AATF: variants seen among roughly 807,000 people sequenced by gnomAD.
The protein encoded by AATF is protein AATF.
AATF carries 48 observed loss-of-function variants against 63.7 expected under a neutral mutation model. The ratio of observed to expected loss-of-function variants is 0.75; its 90% CI spans 0.60 to 0.96. The LOEUF (loss-of-function observed/expected upper bound fraction) is 0.96. AATF is among the 40% of genes least tolerant of loss of function. AATF has a pLI of 0.00. For missense variants in AATF, 639 were observed against 685.7 expected (o/e 0.93, Z 0.76); for synonymous variants, 258 against 247.7 (o/e 1.04, Z -0.39).
chr17:37,023,654 A>G (rs2071490004), intron 10 of AATF, among the ~76,000 whole-genome samples: 2 of 150,068 alleles, frequency 1.3e-5, no homozygotes, highest in African/African-American at 4.9e-5. Context: ...CTTTTTAAAC[A>G]GAGTTTAAAA....
At chr17:37,038,837 G>T (rs1189910027) in intron 11 of AATF, among the ~76,000 whole-genome samples, 1 of 151,982 alleles carries the variant, frequency 6.6e-6, no homozygotes, top group Admixed American at 6.6e-5. Context: ...GATAAGTACT[G>T]AGCACCAAAT....
intron 11 of AATF, among the ~76,000 whole-genome samples, chr17:37,036,718 C>T (rs926083660): frequency 1.3e-5 from 2 of 152,004 alleles, no homozygotes; most frequent in Non-Finnish European, 2.9e-5. Context: ...TTAATGCTTT[C>T]GGATCTCCTT....
intron 8 of AATF, among the ~76,000 whole-genome samples, chr17:37,010,463 AATTATT>A (rs143188434): frequency 3.3e-5 from 5 of 151,898 alleles, no homozygotes; most frequent in Non-Finnish European, 5.9e-5. Flanking sequence ...ATCTCAAAAA[AATTATT>A]ATTATTATTA....
chr17:37,018,680 T>C (rs1239254512), intron 8 of AATF, among the ~76,000 whole-genome samples: 1 of 152,188 alleles, frequency 6.6e-6, no homozygotes, highest in Non-Finnish European at 1.5e-5. Context: ...AGATTCTCCA[T>C]TGATATCAAT....
At chr17:37,004,969 G>A (rs574548637) in intron 8 of AATF, among the ~76,000 whole-genome samples, 17 of 152,320 alleles carry the variant, frequency 1.1e-4, no homozygotes, top group South Asian at 2.1e-4. Context: ...CAACAATTCC[G>A]AGATTAAAAA....
At chr17:37,051,731 C>T (rs1405652080) in intron 11 of AATF, among the ~76,000 whole-genome samples, 1 of 151,848 alleles carries the variant, frequency 6.6e-6, no homozygotes, top group Non-Finnish European at 1.5e-5. Flanking sequence ...CACACACACG[C>T]ACATTCTGTC....
At chr17:37,013,032 A>G (rs141438801) in intron 8 of AATF, among the ~76,000 whole-genome samples, 1 of 152,352 alleles carries the variant, frequency 6.6e-6, no homozygotes, top group African/African-American at 2.4e-5. Flanking sequence ...GCCTCAAATG[A>G]CACTCTCAAG....
chr17:37,053,425 G>T (rs563961387), intron 11 of AATF, among the ~76,000 whole-genome samples: 6 of 151,944 alleles, frequency 3.9e-5, no homozygotes, highest in Non-Finnish European at 7.4e-5. Flanking sequence ...AATTTCAAAA[G>T]TGCTTTTATT....
intron 11 of AATF, among the ~76,000 whole-genome samples, chr17:37,032,161 AT>A (rs2071556799): frequency 6.6e-6 from 1 of 152,234 alleles, no homozygotes; most frequent in African/African-American, 2.4e-5. Flanking sequence ...TATGCTCATA[AT>A]ATTACCGTTC....
At chr17:37,048,426 A>G (rs1418223998) in intron 11 of AATF, among the ~76,000 whole-genome samples, 1 of 137,802 alleles carries the variant, frequency 7.3e-6, no homozygotes, top group African/African-American at 2.9e-5. Flanking sequence ...GCTGGAGTGC[A>G]ATGGCACAAT....
chr17:36,996,486 G>A (rs1301609927), intron 8 of AATF, among the ~76,000 whole-genome samples: 1 of 152,158 alleles, frequency 6.6e-6, no homozygotes, highest in African/African-American at 2.4e-5. Flanking sequence ...CATGGAATTA[G>A]GTTTCTTGGG....
chr17:36,970,709 T>G (rs1259848470), intron 4 of AATF, among the ~76,000 whole-genome samples: 1 of 151,846 alleles, frequency 6.6e-6, no homozygotes, highest in East Asian at 1.9e-4. Context: ...CCTGCTAAAT[T>G]TTCTTTATTT....
rs770009044 is a variant in AATF at position 37,056,639 on chromosome 17, C to A, written c.1658C>A (p.Pro553His). Residue 553 changes from proline (P) to histidine (H), a missense_variant, in exon 12 of 12, where the codon CCT becomes CAT. Physicochemically the swap from Pro to His is moderately conservative, Grantham distance 77. Transcript: ENST00000619387. Reference protein sequence around the residue: ...LYRSLFGQLHPPDEGHGD With the variant: ...LYRSLFGQLHHPDEGHGD ...CGCTCTCTTTTTGGCCAGCTCCACC[C>A]TCCCGACGAAGGCCACGGGGATTGA... 1.9e-5 allele frequency: 30 copies of A among 1,614,154 alleles called. No individual in the cohort carries two copies. The South Asian group carries it at 2.6e-4, about 14-fold the overall frequency.
At chr17:36,981,692 T>C (rs1243115450) in intron 4 of AATF, among the ~76,000 whole-genome samples, 2 of 141,186 alleles carry the variant, frequency 1.4e-5, no homozygotes, top group African/African-American at 6.0e-5. Context: ...TTCTTCTTCT[T>C]CTTTCTTTTC....
At chr17:37,001,519 A>T (rs1164234380) in intron 8 of AATF, among the ~76,000 whole-genome samples, 1 of 152,160 alleles carries the variant, frequency 6.6e-6, no homozygotes, top group Non-Finnish European at 1.5e-5. Context: ...TTAGCCCAGG[A>T]ATGCAAGGTT....
intron 4 of AATF, among the ~76,000 whole-genome samples, chr17:36,985,531 C>T (rs1043426622): frequency 2.0e-5 from 3 of 151,408 alleles, no homozygotes; most frequent in African/African-American, 4.9e-5. Context: ...CAGTCCTCCC[C>T]GAGGACCAGT....
At chr17:37,011,092 C>T (rs754737837) in intron 8 of AATF, among the ~76,000 whole-genome samples, 2 of 152,136 alleles carry the variant, frequency 1.3e-5, no homozygotes, top group Admixed American at 6.5e-5. Flanking sequence ...GTATGAGGGC[C>T]GGGTGTTGTG....
intron 4 of AATF, among the ~76,000 whole-genome samples, chr17:36,977,878 A>C (rs996295612): frequency 2.0e-5 from 3 of 152,158 alleles, no homozygotes; most frequent in Non-Finnish European, 4.4e-5. Flanking sequence ...GTGGAAGGTA[A>C]CTGTAGTAGA....
chr17:37,020,685 C>T (rs180872108), intron 9 of AATF, among the ~76,000 whole-genome samples: 1 of 152,316 alleles, frequency 6.6e-6, no homozygotes, highest in African/African-American at 2.4e-5. Flanking sequence ...GTGCTTGTCA[C>T]AGCAACTCCA....
Sources: gnomAD v4.1 joint callset for allele counts (sites outside exome capture counted in the v4.1 genomes callset) on GRCh38, gnomAD v4.1.1 for gene constraint, MANE v1.5 for transcripts, NCBI Gene and HGNC (gene_info 2026-07-23, HGNC 2026-07-21) for gene names.